The following AFF2 variants were observed in gnomAD, a reference collection of about 807,000 sequenced individuals.
AFF2 encodes AF4/FMR2 family member 2.
In AFF2, 14 loss-of-function variants were observed where a neutral mutation model predicts 76.9. The observed-to-expected ratio is 0.18, with a 90% CI of 0.12 to 0.28. The LOEUF (loss-of-function observed/expected upper bound fraction) is 0.28, where lower values mean the gene tolerates loss of function less well. Ranked by LOEUF, AFF2 falls within the 10% of genes least tolerant of loss-of-function variation. The pLI is 1.00. For synonymous variants in AFF2, 398 were observed against 366.7 expected (o/e 1.09, Z -0.98); for missense variants, 868 against 1,001.1 (o/e 0.87, Z 1.79).
At chrX:148,957,072 A>G (rs782382780) in intron 11 of AFF2, among the ~76,000 whole-genome samples, 1 of 112,248 alleles carries the variant, frequency 8.9e-6, no homozygotes, top group Non-Finnish European at 1.9e-5. Context: ...GGAAAATTTT[A>G]CCTGCAGAAG....
chrX:148,532,133 C>T (rs1410356525), intron 1 of AFF2, among the ~76,000 whole-genome samples: 1 of 111,710 alleles, frequency 9.0e-6, no homozygotes, highest in Non-Finnish European at 1.9e-5. Context: ...CAGTGACTCA[C>T]AAAACATATT....
At chrX:148,953,103 A>C (rs782569087) in intron 9 of AFF2, among the ~76,000 whole-genome samples, 132 of 111,331 alleles carry the variant, frequency 1.2e-3, no homozygotes, top group Non-Finnish European at 1.9e-3. Flanking sequence ...TGATAATTGA[A>C]CTCACTCCTT....
In AFF2 at chrX:148,680,069, A is replaced by T. The variant is rs144402058; in HGVS notation, c.1041+17301A>T. On this transcript the variant is annotated intron_variant, in intron 3 of 20. Transcript: ENST00000370460. ...TCTAGCCTGTCCTCAGCCATTAAAA[A>T]GTACACAAGCAATGTCAAGGTAAGG... Among the ~76,000 whole-genome samples, 496 of 112,449 alleles carry T rather than the reference A, an allele frequency of 4.4e-3. 4 individuals are homozygous for T. The highest frequency in any genetic ancestry group is 0.015 in the African/African-American group (462 of 31,002).
At chrX:148,916,249 G>A (rs782224466) in intron 9 of AFF2, among the ~76,000 whole-genome samples, 59 of 74,864 alleles carry the variant, frequency 7.9e-4, no homozygotes, top group Non-Finnish European at 1.0e-3. Context: ...TTGCTTTGTC[G>A]CCCAGGTTGG....
rs781859705 is a variant in AFF2, at chrX:148,602,463, G to A, written c.48-49536G>A. Among the ~76,000 whole-genome samples, 65 of 110,119 alleles carry A rather than the reference G, an allele frequency of 5.9e-4. 1 individual carries two copies. The highest frequency in any genetic ancestry group is 1.9e-4 in the Admixed American group (2 of 10,308). ...TGGATTGGGGGGTGTGGGATTGGAG[G>A]GGGTGATAGCGGAGGATGAGAGAAG... On this transcript the variant is annotated intron_variant, in intron 1 of 20. Transcript: ENST00000370460.
chrX:148,553,868 G>A (rs1237049856), intron 1 of AFF2, among the ~76,000 whole-genome samples: 1 of 112,226 alleles, frequency 8.9e-6, no homozygotes, highest in Non-Finnish European at 1.9e-5. Context: ...ATAAGTCAGT[G>A]GAAGACACTT....
chrX:148,828,864 G>C (rs1340041839), intron 4 of AFF2, among the ~76,000 whole-genome samples: 2 of 112,272 alleles, frequency 1.8e-5, no homozygotes, highest in African/African-American at 3.2e-5. Flanking sequence ...AAGATGGCTT[G>C]ATTGATTGCC....
chrX:148,717,979 T>C (rs1287518155), intron 3 of AFF2, among the ~76,000 whole-genome samples: 1 of 110,741 alleles, frequency 9.0e-6, no homozygotes. Context: ...TCATACATTA[T>C]TTCTTTTGAC....
chrX:148,886,399 T>A (rs2071160907), intron 8 of AFF2, among the ~76,000 whole-genome samples: 1 of 111,883 alleles, frequency 8.9e-6, no homozygotes, highest in South Asian at 3.8e-4. Flanking sequence ...TTCATTCACC[T>A]TTCCCAGATG....
intron 1 of AFF2, among the ~76,000 whole-genome samples, chrX:148,546,576 G>C (rs1440273491): frequency 8.9e-6 from 1 of 112,410 alleles, no homozygotes; most frequent in African/African-American, 3.2e-5. Context: ...GACCCAGTGT[G>C]TATCATTGTA....
intron 1 of AFF2, among the ~76,000 whole-genome samples, chrX:148,521,061 T>G (rs1168421872): frequency 3.6e-5 from 4 of 111,949 alleles, no homozygotes; most frequent in Non-Finnish European, 7.5e-5. Flanking sequence ...TGGCCTACTA[T>G]GCACTGAAAA....
chrX:148,809,461 C>T (rs868983093), intron 3 of AFF2, among the ~76,000 whole-genome samples: 2 of 112,163 alleles, frequency 1.8e-5, no homozygotes, highest in Non-Finnish European at 3.8e-5. Flanking sequence ...TAGTTGGACT[C>T]CCAAGTTCAA....
At chrX:148,981,493 T>A (rs1205001980) in intron 19 of AFF2, among the ~76,000 whole-genome samples, 1 of 111,087 alleles carries the variant, frequency 9.0e-6, no homozygotes, top group Admixed American at 9.6e-5. Context: ...AATGAAGGGG[T>A]TGGACCCAAT....
chrX:148,963,515 C>A (rs1557288351), intron 13 of AFF2, among the ~76,000 whole-genome samples: 1 of 112,511 alleles, frequency 8.9e-6, no homozygotes, highest in East Asian at 2.8e-4. Flanking sequence ...ACTAGATGAT[C>A]TATAAAGCTT....
intron 1 of AFF2, among the ~76,000 whole-genome samples, chrX:148,633,240 G>A (rs187517826): frequency 1.2e-4 from 13 of 111,869 alleles, no homozygotes; most frequent in Admixed American, 1.9e-4. Flanking sequence ...ACCCAGTCAC[G>A]ATCATACACA....
At chrX:148,771,304 T>C (rs1379959723) in intron 3 of AFF2, among the ~76,000 whole-genome samples, 3 of 112,296 alleles carry the variant, frequency 2.7e-5, no homozygotes, top group Non-Finnish European at 3.8e-5. Flanking sequence ...CCAAACATAA[T>C]TAAAGTGTAT....
intron 1 of AFF2, among the ~76,000 whole-genome samples, chrX:148,574,170 T>C (rs1487582653): frequency 9.0e-6 from 1 of 111,704 alleles, no homozygotes; most frequent in Admixed American, 9.5e-5. Context: ...TTTTATTGTC[T>C]GAGTCATGGA....
In AFF2 at chrX:148,581,064, T is replaced by TATATGTACAC. The variant is rs1557244453; in HGVS notation, c.48-70931_48-70930insGTACACATAT. On this transcript the variant is annotated intron_variant, in intron 1 of 20. Coordinates refer to ENST00000370460, the MANE Select transcript of AFF2 (RefSeq NM_002025.4). The stretch of plus-strand genomic sequence containing the variant: ...ACATATATACACATATGTGTATATG[T>TATATGTACAC]ATATATACACACATATATACATATG... 1.3e-3 allele frequency among the ~76,000 whole-genome samples: 125 copies of TATATGTACAC among 99,595 alleles called. 5 individuals carry two copies. The highest frequency in any genetic ancestry group is 4.5e-3 in the African/African-American group (121 of 27,115). 86.5% of individuals were successfully genotyped at this position (99,595 alleles called of 115,157 possible).
intron 1 of AFF2, among the ~76,000 whole-genome samples, chrX:148,633,799 G>A (rs1183363296): frequency 8.9e-6 from 1 of 112,580 alleles, no homozygotes; most frequent in Non-Finnish European, 1.9e-5. Context: ...AGCATTTTAA[G>A]TGAAACTTCC....
Sources: gnomAD v4.1 joint callset for allele counts (sites outside exome capture counted in the v4.1 genomes callset) on GRCh38, gnomAD v4.1.1 for gene constraint, MANE v1.5 for transcripts, NCBI Gene and HGNC (gene_info 2026-07-23, HGNC 2026-07-21) for gene names.